The following BRINP1 variants were observed in gnomAD, a reference collection of about 807,000 sequenced individuals.
BRINP1 encodes the protein BMP/retinoic acid inducible neural specific 1.
A neutral mutation model predicts 72.9 loss-of-function variants in BRINP1; 17 were observed. That is an observed-to-expected ratio of 0.23 (90% CI 0.16 to 0.35). BRINP1 has a LOEUF of 0.35. Ranked by LOEUF, BRINP1 falls within the 10% of genes least tolerant of loss-of-function variation. BRINP1 has a pLI of 1.00. For synonymous variants in BRINP1, 418 were observed against 378.5 expected (o/e 1.10, Z -1.21); for missense variants, 850 against 1,001.6 (o/e 0.85, Z 2.04).
chr9:119,210,393 T>C (rs113048716), intron 6 of BRINP1, among the ~76,000 whole-genome samples: 2,842 of 152,336 alleles, frequency 0.019, 71 homozygotes, highest in African/African-American at 0.058. Flanking sequence ...AATGCTTACA[T>C]AGCTCTTGAC....
At chr9:119,196,156 C>T (rs1439330640) in intron 7 of BRINP1, among the ~76,000 whole-genome samples, 1 of 152,182 alleles carries the variant, frequency 6.6e-6, no homozygotes, top group African/African-American at 2.4e-5. Context: ...ATATTTAAGG[C>T]AGTGAAGACA....
intron 2 of BRINP1, among the ~76,000 whole-genome samples, chr9:119,251,692 T>G (rs792936): frequency 0.3 from 30,993 of 103,780 alleles, 3,347 homozygotes; most frequent in Non-Finnish European, 0.34. Flanking sequence ...CAGAATAAAA[T>G]AGGGGGGAGC....
intron 3 of BRINP1, among the ~76,000 whole-genome samples, chr9:119,246,860 ACTC>A (rs1176565177): frequency 6.6e-6 from 1 of 152,126 alleles, no homozygotes; most frequent in Non-Finnish European, 1.5e-5. Flanking sequence ...CCTTCTCTCT[ACTC>A]CTCCACACTG....
intron 2 of BRINP1, among the ~76,000 whole-genome samples, chr9:119,277,273 C>A (rs527329708): frequency 2.0e-5 from 3 of 152,306 alleles, no homozygotes; most frequent in African/African-American, 7.2e-5. Flanking sequence ...ATCCACTCCT[C>A]CTTCGCTCTT....
At chr9:119,292,319 G>A (rs528083614) in intron 2 of BRINP1, among the ~76,000 whole-genome samples, 3 of 152,256 alleles carry the variant, frequency 2.0e-5, no homozygotes, top group Admixed American at 1.3e-4. Flanking sequence ...TATAATGGAC[G>A]TAGGATAGAC....
chr9:119,195,739 T>A (rs1490882437), intron 7 of BRINP1, among the ~76,000 whole-genome samples: 1 of 152,162 alleles, frequency 6.6e-6, no homozygotes, highest in Non-Finnish European at 1.5e-5. Context: ...GCCATTAGCA[T>A]CTGCTTAAGC....
At position 119,208,778 on chromosome 9, in the gene BRINP1, C is replaced by G. The variant is rs1829886413; in HGVS notation, c.1086G>C (p.Lys362Asn). The G allele has an allele frequency of 6.2e-7, 1 of 1,614,094 alleles. No individual in the cohort carries two copies. The highest frequency in any genetic ancestry group is 8.5e-7 in the Non-Finnish European group (1 of 1,180,042). Residue 362 changes from lysine (K) to asparagine (N), a missense_variant, in exon 7 of 8, where the codon AAG (lysine) becomes AAC (asparagine). By Grantham distance (94) the Lys-to-Asn change is moderately conservative. Coordinates refer to ENST00000265922, the MANE Select transcript of BRINP1 (RefSeq NM_014618.3). ...GACAGCGTACACTGAGGCCGAAAAG[C>G]TTGCGGGCAGTGCGTTGGATCTTTT... is the stretch of plus-strand genomic sequence containing the variant. The part of the protein sequence containing the change: ...QRQKIQRTAR[K>N]LFGLSVRCRH...
chr9:119,197,344 T>A (rs1387374068), intron 7 of BRINP1, among the ~76,000 whole-genome samples: 1 of 152,226 alleles, frequency 6.6e-6, no homozygotes, highest in African/African-American at 2.4e-5. Context: ...TTCCCTTTGC[T>A]ACTCAAACTC....
intron 2 of BRINP1, among the ~76,000 whole-genome samples, chr9:119,302,407 C>T (rs1169807173): frequency 1.6e-4 from 24 of 151,546 alleles, no homozygotes; most frequent in Non-Finnish European, 1.5e-5. Flanking sequence ...CAAATAGCCA[C>T]TAAATTTGTC....
chr9:119,248,937 T>C (rs776496192), intron 3 of BRINP1, 23 bp downstream of exon 3: 2 of 1,601,826 alleles, frequency 1.2e-6, no homozygotes, highest in Non-Finnish European at 1.7e-6. Flanking sequence ...GAGAAGGCTC[T>C]GGCCCAGTGG....
intron 2 of BRINP1, among the ~76,000 whole-genome samples, chr9:119,271,771 A>G (rs1363945149): frequency 6.6e-6 from 1 of 152,070 alleles, no homozygotes; most frequent in East Asian, 1.9e-4. Context: ...TTGATTTGCC[A>G]CTTCTTTGTC....
chr9:119,287,348 G>C (rs923307187), intron 2 of BRINP1, among the ~76,000 whole-genome samples: 6 of 152,112 alleles, frequency 3.9e-5, no homozygotes, highest in African/African-American at 1.4e-4. Context: ...ACTCTCCTGG[G>C]AGTAGACAGT....
chr9:119,200,280 C>T (rs971372447), intron 7 of BRINP1, among the ~76,000 whole-genome samples: 5 of 152,014 alleles, frequency 3.3e-5, no homozygotes, highest in Admixed American at 6.6e-5. Flanking sequence ...TGTATGTGTG[C>T]GCTGATAGTC....
chr9:119,319,680 G>C (rs903717910), intron 1 of BRINP1, among the ~76,000 whole-genome samples: 16 of 152,168 alleles, frequency 1.1e-4, no homozygotes, highest in African/African-American at 3.9e-4. Flanking sequence ...GTCCAGAGCA[G>C]TTATTAATAA....
chr9:119,204,130 C>G (rs1829829571), intron 7 of BRINP1, among the ~76,000 whole-genome samples: 1 of 152,168 alleles, frequency 6.6e-6, no homozygotes, highest in South Asian at 2.1e-4. Context: ...CAGCTGAGCC[C>G]CCAGCTGACA....
chr9:119,243,094 T>C (rs1408056535), intron 3 of BRINP1, among the ~76,000 whole-genome samples: 2 of 152,174 alleles, frequency 1.3e-5, no homozygotes, highest in African/African-American at 4.8e-5. Flanking sequence ...ATGTGCAGGA[T>C]GTGCAGTTTT....
chr9:119,250,134 G>A (rs1830370758), intron 2 of BRINP1, among the ~76,000 whole-genome samples: 1 of 128,518 alleles, frequency 7.8e-6, no homozygotes, highest in South Asian at 2.9e-4. Context: ...AGGAGGGAGG[G>A]AGGGAGGGAA....
intron 2 of BRINP1, among the ~76,000 whole-genome samples, chr9:119,270,521 G>C (rs1830596270): frequency 6.6e-6 from 1 of 152,110 alleles, no homozygotes; most frequent in South Asian, 2.1e-4. Flanking sequence ...GTAAAATTAG[G>C]GTTTCCTAAT....
intron 7 of BRINP1, among the ~76,000 whole-genome samples, chr9:119,190,817 T>G (rs1454716310): frequency 6.6e-6 from 1 of 151,944 alleles, no homozygotes; most frequent in African/African-American, 2.4e-5. Flanking sequence ...CAGCATCACC[T>G]TGATATCTAA....
Sources: gnomAD v4.1 joint callset for allele counts (sites outside exome capture counted in the v4.1 genomes callset) on GRCh38, gnomAD v4.1.1 for gene constraint, MANE v1.5 for transcripts, NCBI Gene and HGNC (gene_info 2026-07-23, HGNC 2026-07-21) for gene names.